Variants in CSMD3 observed in about 807,000 individuals in gnomAD.
CSMD3 encodes the protein CUB and sushi domain-containing protein 3.
A neutral mutation model predicts 435.2 loss-of-function variants in CSMD3; 177 were observed. The ratio of observed to expected loss-of-function variants is 0.41; its 90% CI spans 0.36 to 0.46. The LOEUF is 0.46. Among genes scored for constraint, CSMD3 ranks in the 20% least tolerant of loss-of-function variants. The probability of loss-of-function intolerance (pLI) is 0.34; values close to 1 mark genes in which losing one functional copy is unlikely to be tolerated. For synonymous variants in CSMD3, 1,656 were observed against 1,520.5 expected (o/e 1.09, Z -2.07); for missense variants, 4,265 against 4,504.6 (o/e 0.95, Z 1.52).
At chr8:112,467,815 C>T (rs545763541) in intron 32 of CSMD3, among the ~76,000 whole-genome samples, 2 of 152,102 alleles carry the variant, frequency 1.3e-5, no homozygotes, top group Admixed American at 1.3e-4. Context: ...GCCCAGGAAC[C>T]TCAAGGCTTG....
At chr8:113,124,637 T>C (rs1267908566) in intron 4 of CSMD3, among the ~76,000 whole-genome samples, 2 of 151,938 alleles carry the variant, frequency 1.3e-5, no homozygotes, top group Admixed American at 1.3e-4. Flanking sequence ...GGATCAGAAG[T>C]CACAGTCCTT....
intron 5 of CSMD3, among the ~76,000 whole-genome samples, chr8:113,090,403 A>G (rs984833409): frequency 1.3e-5 from 2 of 152,320 alleles, no homozygotes; most frequent in African/African-American, 2.4e-5. Context: ...AGCTATTTGC[A>G]TATTAGAAAC....
At chr8:112,322,257 AT>A (rs1432705837) in intron 45 of CSMD3, among the ~76,000 whole-genome samples, 16 of 152,112 alleles carry the variant, frequency 1.1e-4, no homozygotes, top group Admixed American at 1.0e-3. Context: ...TCTGTGGAAT[AT>A]TCTGAGAATG....
intron 22 of CSMD3, among the ~76,000 whole-genome samples, chr8:112,624,707 G>T (rs76272775): frequency 1.3e-5 from 2 of 151,852 alleles, no homozygotes; most frequent in Admixed American, 6.6e-5. Flanking sequence ...TACTAGCAAG[G>T]TATCACTATG....
At chr8:112,913,990 C>T (rs1014727535) in intron 10 of CSMD3, among the ~76,000 whole-genome samples, 20 of 151,814 alleles carry the variant, frequency 1.3e-4, no homozygotes, top group African/African-American at 4.8e-4. Context: ...GCCCATTGAT[C>T]TCTTTGAGGA....
At chr8:112,441,085 C>T (rs1256554025) in intron 32 of CSMD3, among the ~76,000 whole-genome samples, 4 of 152,132 alleles carry the variant, frequency 2.6e-5, no homozygotes, top group African/African-American at 9.7e-5. Flanking sequence ...ATTTTCCAAA[C>T]TCTTATGCTC....
At chr8:112,531,470 A>G (rs1825532664) in intron 27 of CSMD3, among the ~76,000 whole-genome samples, 1 of 152,154 alleles carries the variant, frequency 6.6e-6, no homozygotes, top group Admixed American at 6.5e-5. Context: ...AGGAATGGCC[A>G]TGTAACCCCT....
chr8:112,645,276 G>C (rs377127820), intron 19 of CSMD3, 51 bp from the exon 20 acceptor site: 21 of 990,776 alleles, frequency 2.1e-5, no homozygotes, highest in Middle Eastern at 2.0e-4. Context: ...AGAGACAGAG[G>C]GTGAACAAAT....
chr8:112,424,816 C>G (rs569883401), intron 32 of CSMD3, among the ~76,000 whole-genome samples: 1 of 152,206 alleles, frequency 6.6e-6, no homozygotes, highest in South Asian at 2.1e-4. Flanking sequence ...CTCAACCTCC[C>G]GAGTAGCTGG....
At chr8:112,800,919 T>C (rs2078946032) in intron 12 of CSMD3, among the ~76,000 whole-genome samples, 1 of 152,068 alleles carries the variant, frequency 6.6e-6, no homozygotes, top group African/African-American at 2.4e-5. Context: ...GGGAAATTAC[T>C]TCACGTTTTG....
intron 3 of CSMD3, among the ~76,000 whole-genome samples, chr8:113,182,529 AAC>A (rs1491010256): frequency 6.6e-6 from 1 of 151,498 alleles, no homozygotes; most frequent in African/African-American, 2.4e-5. Flanking sequence ...CAAAAAAAAA[AAC>A]AAAACAACAA....
chr8:112,570,359 C>A (rs1829405092), intron 24 of CSMD3, among the ~76,000 whole-genome samples: 1 of 152,134 alleles, frequency 6.6e-6, no homozygotes, highest in African/African-American at 2.4e-5. Flanking sequence ...AGTATAACCA[C>A]AATGCAATGT....
At chr8:112,785,770 G>C (rs148517683) in intron 13 of CSMD3, among the ~76,000 whole-genome samples, 2 of 151,922 alleles carry the variant, frequency 1.3e-5, no homozygotes, top group East Asian at 1.9e-4. Flanking sequence ...AAACATTTAC[G>C]CAAGACATTT....
At chr8:112,419,153 G>T (rs1812214639) in intron 32 of CSMD3, among the ~76,000 whole-genome samples, 1 of 152,112 alleles carries the variant, frequency 6.6e-6, no homozygotes, top group Non-Finnish European at 1.5e-5. Context: ...ATATCAGTTA[G>T]ATTCCAGGCA....
intron 2 of CSMD3, among the ~76,000 whole-genome samples, chr8:113,289,792 C>T (rs1029132048): frequency 6.6e-6 from 1 of 151,564 alleles, no homozygotes; most frequent in Non-Finnish European, 1.5e-5. Flanking sequence ...ACAAAAAACA[C>T]GATTCTACAA....
Position 112,254,288 on chromosome 8 carries a change from G to C in CSMD3, c.10075C>G (p.Arg3359Gly), listed in dbSNP as rs1029153889. Residue 3359 changes from arginine to glycine, a missense_variant, in exon 63 of 71, where the codon CGG (arginine) becomes GGG (glycine). Physicochemically the swap from Arg to Gly is moderately radical, Grantham distance 125. Transcript: ENST00000297405. Reference protein sequence around the residue: ...QTSCENPGVPRHGSQNNTFGF... With the variant: ...QTSCENPGVPGHGSQNNTFGF... ...AATGTATTGTTCTGAGATCCATGCC[G>C]AGGCACACCTGGGTTTTCACAAGAG... 1.9e-6 allele frequency: 3 copies of C among 1,612,658 alleles called. No individual in the cohort carries two copies. Among genetic ancestry groups the C allele is most frequent in the South Asian group, 1.1e-5 (1 of 91,072 alleles).
At chr8:112,568,030 G>A (rs1829196416) in intron 24 of CSMD3, among the ~76,000 whole-genome samples, 2 of 152,148 alleles carry the variant, frequency 1.3e-5, no homozygotes, top group South Asian at 4.1e-4. Context: ...AGAATAATGA[G>A]GAAGATTAGC....
chr8:113,073,053 A>T (rs550429670), intron 5 of CSMD3, among the ~76,000 whole-genome samples: 1 of 151,884 alleles, frequency 6.6e-6, no homozygotes, highest in African/African-American at 2.4e-5. Context: ...GCATTACTAA[A>T]TATATCAAAT....
chr8:113,352,601 C>T (rs2094197289), intron 1 of CSMD3, among the ~76,000 whole-genome samples: 1 of 152,142 alleles, frequency 6.6e-6, no homozygotes, highest in South Asian at 2.1e-4. Flanking sequence ...CAGGTGACCT[C>T]CTTAGCTGTT....
Sources: gnomAD v4.1 joint callset for allele counts (sites outside exome capture counted in the v4.1 genomes callset) on GRCh38, gnomAD v4.1.1 for gene constraint, MANE v1.5 for transcripts, NCBI Gene and HGNC (gene_info 2026-07-23, HGNC 2026-07-21) for gene names.